The following SBNO2 variants were observed in gnomAD, a reference collection of about 807,000 sequenced individuals.
SBNO2 encodes strawberry notch homolog 2, also known as protein strawberry notch homolog 2.
In SBNO2, 89 loss-of-function variants were observed where a neutral mutation model predicts 146.3. That is an observed-to-expected ratio of 0.61 (90% confidence interval 0.51 to 0.73). The LOEUF (loss-of-function observed/expected upper bound fraction) is 0.73. Among genes scored for constraint, SBNO2 ranks in the 30% least tolerant of loss-of-function variants. The pLI is 0.00. For synonymous variants in SBNO2, 1,147 were observed against 892.6 expected, an observed-to-expected ratio of 1.29 and a Z score of -5.08; for missense variants, 2,092 against 2,003.7, an observed-to-expected ratio of 1.04 and a Z score of -0.84.
intron 1 of SBNO2, among the ~76,000 whole-genome samples, chr19:1,172,304 G>C (rs1410986120): frequency 6.6e-6 from 1 of 152,106 alleles, no homozygotes; most frequent in East Asian, 1.9e-4. Context: ...CCCACCAAGG[G>C]GTCCAGATCT....
rs2080458495 is a variant in SBNO2 at position 1,169,587 on chromosome 19, CG to C, written c.-127+4584del. ...GAGCTGGGCCTGGGCGAGGGGCCCC[CG>C]GGGGGTGGGGTGATGCCATCACTGT... is the stretch of plus-strand genomic sequence containing the variant. On this transcript the variant is annotated intron_variant, in intron 1 of 31. Transcript: ENST00000361757. Among the ~76,000 whole-genome samples, 3 of 152,148 alleles carry C rather than the reference CG, an allele frequency of 2.0e-5. No homozygotes were observed. The South Asian group carries it at 6.2e-4, about 32-fold the overall frequency.
chr19:1,154,161 C>T lies in SBNO2; in HGVS notation c.93+23G>A, dbSNP rs967732352. 5 of 1,162,504 alleles carry T rather than the reference C, an allele frequency of 4.3e-6. No homozygotes were observed. In the African/African-American group the frequency reaches 4.8e-5, roughly 11 times the overall value. The allele number at this position is 1,162,504 out of a possible 1,614,324, so 72.0% of individuals were successfully genotyped here. A position where few individuals can be genotyped will look rare whatever the true frequency, so the allele number is the denominator to read the frequency against. On this transcript the variant is annotated intron_variant, in intron 2 of 31. Coordinates refer to ENST00000361757, the MANE Select transcript of SBNO2 (RefSeq NM_014963.3). ...GTGCCCGTGGACCCCGTCGGGTGGG[C>T]CGGGGCCGGGGGTGGGGCTCACCTG... is the stretch of plus-strand genomic sequence containing the variant.
At position 1,124,032 on chromosome 19, in the gene SBNO2, G is replaced by A. The variant is rs2024092; in HGVS notation, c.442-10C>T. The stretch of plus-strand genomic sequence containing the variant: ...TGCTGAGCTGGAACAGCTGGAAGGG[G>A]AGCAGGATGTCAGCCCGGGCCAGAC... On this transcript the variant is annotated splice_polypyrimidine_tract_variant and intron_variant, in intron 5 of 31. Transcript: ENST00000361757. The A allele has an allele frequency of 0.22, 352,090 of 1,607,266 alleles. 40,373 individuals are homozygous for A. The highest frequency in any genetic ancestry group is 0.36 in the Admixed American group (21,137 of 59,200).
Position 1,117,495 on chromosome 19 carries a change from G to C in SBNO2, c.1532C>G (p.Ala511Gly), listed in dbSNP as rs530825265. The change falls in exon 15 of 32, where the codon GCC becomes GGC. Residue 511 changes from alanine (A) to glycine (G), a missense_variant. Coordinates refer to ENST00000361757, the MANE Select transcript of SBNO2 (RefSeq NM_014963.3). ...CTGCTGGAACACGTTCAGGGCCTCG[G>C]CCCACTGCAATGACACGTCACAAGG... ...CVYNRAALLW[A>G]EALNVFQQAA... The C allele has an allele frequency of 6.3e-7, 1 of 1,577,076 alleles. No homozygotes were observed. The highest frequency in any genetic ancestry group is 1.2e-5 in the South Asian group (1 of 85,910).
chr19:1,162,800 T>C (rs575929609), intron 1 of SBNO2, among the ~76,000 whole-genome samples: 2 of 152,320 alleles, frequency 1.3e-5, no homozygotes, highest in African/African-American at 2.4e-5. Flanking sequence ...GTGAGGACCC[T>C]GTAGACCAGC....
At chr19:1,131,966 CG>C in intron 4 of SBNO2, 1 of 589,176 alleles carries the variant, frequency 1.7e-6, no homozygotes, top group Non-Finnish European at 2.7e-6. Flanking sequence ...TAGATCCTGG[CG>C]GCCTCGGACT....
rs781500675 is a variant in SBNO2, at chr19:1,108,757, G to A, written c.3616+22C>T. The A allele has an allele frequency of 2.5e-6, 4 of 1,594,322 alleles. No individual in the cohort carries two copies. The South Asian group carries it at 3.3e-5, about 13-fold the overall frequency. On this transcript the variant is annotated intron_variant, in intron 31 of 31. Transcript: ENST00000361757. ...CGGCGCTGGGGGCTCGGGCCTTCCCGGGGCGCCCGCCGCCCACTCACCCAC... is the reference window on the plus strand; with the variant it reads ...CGGCGCTGGGGGCTCGGGCCTTCCCAGGGCGCCCGCCGCCCACTCACCCAC...
intron 3 of SBNO2, among the ~76,000 whole-genome samples, chr19:1,147,660 A>G (rs1358546871): frequency 1.3e-5 from 2 of 151,918 alleles, no homozygotes; most frequent in Non-Finnish European, 2.9e-5. Flanking sequence ...CCTACGGAAC[A>G]GCCGCCTGGT....
rs74702943 is a variant in SBNO2 at position 1,107,918 on chromosome 19, T to G, written c.*302A>C. On this transcript the variant is annotated 3_prime_UTR_variant, in exon 32 of 32. Coordinates refer to ENST00000361757, the MANE Select transcript of SBNO2 (RefSeq NM_014963.3). ...TTGGGACCACCCGGTTTCACGGATT[T>G]CAAGGGTTTGGGCCCACTGAGCCCT... is the stretch of plus-strand genomic sequence containing the variant. The G allele has an allele frequency of 1.0e-3, 217 of 208,862 alleles. 3 individuals are homozygous for G. In the East Asian group the frequency reaches 0.022, roughly 21 times the overall value. The allele number at this position is 208,862 out of a possible 1,614,324, so 12.9% of individuals were successfully genotyped here. A position where few individuals can be genotyped will look rare whatever the true frequency, so the allele number is the denominator to read the frequency against.
At position 1,127,855 on chromosome 19, in the gene SBNO2, C is replaced by A. The variant is rs371915767; in HGVS notation, c.280-90G>T. On this transcript the variant is annotated intron_variant, in intron 4 of 31. Coordinates refer to ENST00000361757, the MANE Select transcript of SBNO2 (RefSeq NM_014963.3). ...GAGCACGTGGGGATGGGAGACACCA[C>A]GGCCCTCCACACACTGGAGCATGTG... The A allele has an allele frequency of 6.6e-6, 8 of 1,206,928 alleles. No individual in the cohort carries two copies. The African/African-American group carries it at 1.0e-4, about 16-fold the overall frequency. 74.8% of individuals were successfully genotyped at this position (1,206,928 alleles called of 1,614,324 possible).
chr19:1,156,707 C>T (rs369368872), intron 1 of SBNO2, among the ~76,000 whole-genome samples: 1 of 152,256 alleles, frequency 6.6e-6, no homozygotes, highest in Admixed American at 6.5e-5. Flanking sequence ...ACAGCGCAGA[C>T]GCACCTTGAG....
rs143503045 is a variant in SBNO2 at position 1,124,711 on chromosome 19, G to A, written c.442-689C>T. 3.5e-3 allele frequency among the ~76,000 whole-genome samples: 526 copies of A among 152,344 alleles called. 4 individuals carry two copies. Among genetic ancestry groups the A allele is most frequent in the African/African-American group, 0.012 (495 of 41,568 alleles). ...CATCCCACTGCGGCCCCACCCTGGG[G>A]AGAAGGACTGCCCGGAGCCTCATGC... On this transcript the variant is annotated intron_variant, in intron 5 of 31. Transcript: ENST00000361757.
intron 1 of SBNO2, among the ~76,000 whole-genome samples, chr19:1,160,421 C>T (rs531876631): frequency 2.1e-3 from 313 of 152,302 alleles, no homozygotes; most frequent in Middle Eastern, 3.4e-3. Context: ...CAATGGCGGC[C>T]GCCTGGCTGC....
intron 4 of SBNO2, among the ~76,000 whole-genome samples, chr19:1,142,114 C>CCCCTCA (rs1568608740): frequency 1.5e-4 from 19 of 123,710 alleles, no homozygotes; most frequent in African/African-American, 3.4e-4. Context: ...TGACCTCCCT[C>CCCCTCA]ATGATCAACC....
chr19:1,170,039 C>T (rs1459984687), intron 1 of SBNO2, among the ~76,000 whole-genome samples: 3 of 152,246 alleles, frequency 2.0e-5, no homozygotes, highest in African/African-American at 7.2e-5. Context: ...CCCTGCTCTG[C>T]ACACGTCACA....
Position 1,174,089 on chromosome 19 carries a change from G to A in SBNO2, c.-127+83C>T, listed in dbSNP as rs1463827194. 2.0e-5 allele frequency: 3 copies of A among 149,988 alleles called. No homozygotes were observed. In the East Asian group the frequency reaches 5.9e-4, roughly 29 times the overall value. The allele number at this position is 149,988 out of a possible 1,614,324, so 9.3% of individuals were successfully genotyped here. ...CCCAGCCCCGGGCGCAGGGGTCCGCGGGGAGCGCCGGACCCACAAGCGGGG... is the reference window on the plus strand; with the variant it reads ...CCCAGCCCCGGGCGCAGGGGTCCGCAGGGAGCGCCGGACCCACAAGCGGGG... On this transcript the variant is annotated intron_variant, in intron 1 of 31. Transcript: ENST00000361757.
In SBNO2 at chr19:1,116,866, T is replaced by C; in HGVS notation, c.1765A>G (p.Asn589Asp). ...ACGAAGCAGTTGAGGTGCCCATCGT[T>C]CTCCCCCAGCACCTCCCGCGTGCGC... ...EARTREVLGENDGHLNCFVSA... is the reference protein window; with the variant it reads ...EARTREVLGEDDGHLNCFVSA... Residue 589 changes from asparagine (N) to aspartate (D), a missense_variant, in exon 16 of 32, where the codon AAC (asparagine) becomes GAC (aspartate). Asn to Asp is a conservative substitution (Grantham distance 23, BLOSUM62 1). Transcript: ENST00000361757. 1 of 1,591,322 alleles carries C rather than the reference T, an allele frequency of 6.3e-7. No individual in the cohort carries two copies. The highest frequency in any genetic ancestry group is 8.5e-7 in the Non-Finnish European group (1 of 1,171,358).
chr19:1,108,641 T>C lies in SBNO2; in HGVS notation c.3680A>G (p.Asp1227Gly). Residue 1227 changes from aspartate to glycine, a missense_variant, in exon 32 of 32, where the codon GAC becomes GGC. Physicochemically the swap from Asp to Gly is moderately conservative, Grantham distance 94. Transcript: ENST00000361757. ...VLQELRLMDADVKRRQAPALG... is the reference protein window; with the variant it reads ...VLQELRLMDAGVKRRQAPALG... ...GGCGGGCGCCTGCCTGCGCTTCACG[T>C]CCGCATCCATCAGCCGCAGCTCCTG... is the stretch of plus-strand genomic sequence containing the variant. 2 of 1,507,772 alleles carry C rather than the reference T, an allele frequency of 1.3e-6. No individual in the cohort carries two copies. The highest frequency in any genetic ancestry group is 1.8e-6 in the Non-Finnish European group (2 of 1,135,718). The allele number at this position is 1,507,772 out of a possible 1,614,324, so 93.4% of individuals were successfully genotyped here. A position where few individuals can be genotyped will look rare whatever the true frequency, so the allele number is the denominator to read the frequency against.
intron 3 of SBNO2, 137 bp downstream of exon 3, chr19:1,149,232 G>A: frequency 1.3e-6 from 1 of 757,286 alleles, no homozygotes; most frequent in South Asian, 1.7e-5. Context: ...GAGCCTTCCA[G>A]GACCACGTGC....
Sources: gnomAD v4.1 joint callset for allele counts (sites outside exome capture counted in the v4.1 genomes callset) on GRCh38, gnomAD v4.1.1 for gene constraint, MANE v1.5 for transcripts, NCBI Gene and HGNC (gene_info 2026-07-23, HGNC 2026-07-21) for gene names.